The following DPY19L4 variants were observed in gnomAD, a reference collection of about 807,000 sequenced individuals.
DPY19L4 encodes the protein probable C-mannosyltransferase DPY19L4.
A neutral mutation model predicts 102.8 loss-of-function variants in DPY19L4; 97 were observed. That is an observed-to-expected ratio of 0.94 (90% CI 0.80 to 1.12). DPY19L4 has a LOEUF of 1.12. Among genes scored for constraint, DPY19L4 ranks in the 50% most tolerant of loss-of-function variants. The pLI, the probability that DPY19L4 is intolerant of heterozygous loss-of-function variation, is 0.00. For missense variants in DPY19L4, 815 were observed against 850.4 expected (o/e 0.96, Z 0.52); for synonymous variants, 252 against 283.1 (o/e 0.89, Z 1.10).
chr8:94,777,760 T>C lies in DPY19L4; in HGVS notation c.1549T>C (p.Leu517=), dbSNP rs1813252208. ...GATGACACTTTTCAAGTGGCTTCGA[T>C]TAAGAACTGTACACCCAATATTGTT... The part of the protein sequence containing the change: ...LWMTLFKWLR[L]RTVHPILLAL... The change falls in exon 14 of 19, where the codon TTA becomes CTA. Residue 517 remains leucine, a synonymous_variant. Coordinates refer to ENST00000414645, the MANE Select transcript of DPY19L4 (RefSeq NM_181787.3). The C allele has an allele frequency of 6.2e-7, 1 of 1,614,002 alleles. No individual in the cohort carries two copies. Among genetic ancestry groups the C allele is most frequent in the Non-Finnish European group, 8.5e-7 (1 of 1,179,962 alleles).
intron 14 of DPY19L4, 49 bp downstream of exon 14, chr8:94,777,835 T>G (rs1278783463): frequency 6.4e-7 from 1 of 1,556,096 alleles, no homozygotes; most frequent in Non-Finnish European, 8.7e-7. Context: ...TAAAATCAAA[T>G]GCTAATAAAT....
In DPY19L4 at chr8:94,739,661, T is replaced by C. The variant is rs200475956; in HGVS notation, c.482T>C (p.Val161Ala). The C allele has an allele frequency of 1.2e-6, 2 of 1,614,116 alleles. No individual in the cohort carries two copies. The highest frequency in any genetic ancestry group is 1.7e-6 in the Non-Finnish European group (2 of 1,179,992). The change falls in exon 6 of 19, where the codon GTG becomes GCG. Residue 161 changes from valine (V) to alanine (A), a missense_variant. Physicochemically the swap from Val to Ala is moderately conservative, Grantham distance 64. Transcript: ENST00000414645. Reference sequence around the variant, plus strand: ...TCCACATAGGAGATTATTGAGCCAGTGTATTTCTATATTGGCATTGTTTTT... The same window carrying C: ...TCCACATAGGAGATTATTGAGCCAGCGTATTTCTATATTGGCATTGTTTTT... ...ATGSNEIIEP[V>A]YFYIGIVFGL...
chr8:94,755,916 A>C, intron 6 of DPY19L4, 120 bp from the exon 7 acceptor site: 1 of 1,062,544 alleles, frequency 9.4e-7, no homozygotes, highest in South Asian at 1.8e-5. Flanking sequence ...GGATCTGGCT[A>C]TGCCTACCTC....
chr8:94,731,788 G>T (rs1021212122), intron 2 of DPY19L4, among the ~76,000 whole-genome samples: 3 of 152,146 alleles, frequency 2.0e-5, no homozygotes, highest in African/African-American at 7.2e-5. Context: ...GTCTCGCTCT[G>T]TTGCCCAGGC....
intron 3 of DPY19L4, among the ~76,000 whole-genome samples, chr8:94,737,700 G>A (rs1053756975): frequency 2.0e-5 from 3 of 151,536 alleles, no homozygotes; most frequent in African/African-American, 4.8e-5. Flanking sequence ...GGTGAATGGC[G>A]TGAACCCAAG....
chr8:94,773,350 T>C (rs1475008249), intron 13 of DPY19L4, among the ~76,000 whole-genome samples: 1 of 152,206 alleles, frequency 6.6e-6, no homozygotes, highest in African/African-American at 2.4e-5. Flanking sequence ...CTTTAGAAGT[T>C]TGGAGCTTTA....
intron 6 of DPY19L4, among the ~76,000 whole-genome samples, chr8:94,742,863 C>G (rs896788883): frequency 6.6e-6 from 1 of 150,812 alleles, no homozygotes; most frequent in Admixed American, 6.6e-5. Flanking sequence ...CGGCCAATGC[C>G]TGGCTGATTT....
Position 94,739,674 on chromosome 8 carries a change from T to C in DPY19L4, c.495T>C (p.Ile165=). Residue 165 remains isoleucine (I), a synonymous_variant, in exon 6 of 19, where the codon ATT becomes ATC. Coordinates refer to ENST00000414645, the MANE Select transcript of DPY19L4 (RefSeq NM_181787.3). ...NEIIEPVYFY[I]GIVFGLQGIY... Reference sequence around the variant, plus strand: ...TTATTGAGCCAGTGTATTTCTATATTGGCATTGTTTTTGGATTGCAAGGAA... The same window carrying C: ...TTATTGAGCCAGTGTATTTCTATATCGGCATTGTTTTTGGATTGCAAGGAA... 1.2e-6 allele frequency: 2 copies of C among 1,614,188 alleles called. No homozygotes were observed.
In DPY19L4 at chr8:94,765,288, G is replaced by C. The variant is rs200350534; in HGVS notation, c.976G>C (p.Ala326Pro). The change falls in exon 9 of 19, where the codon GCC becomes CCC. Residue 326 changes from alanine to proline, a missense_variant. Transcript: ENST00000414645. ...ATCTCCTTTATTAAGTTTAGTAGCAGCCTTAATGCTTGCTAAGTGCCTTCA... is the reference window on the plus strand; with the variant it reads ...ATCTCCTTTATTAAGTTTAGTAGCACCCTTAATGCTTGCTAAGTGCCTTCA... ...LVSPLLSLVA[A>P]LMLAKCLQLN... 5.8e-5 allele frequency: 93 copies of C among 1,605,500 alleles called. No individual in the cohort carries two copies. Among genetic ancestry groups the C allele is most frequent in the Non-Finnish European group, 1.6e-5 (19 of 1,178,056 alleles).
At chr8:94,752,749 C>T (rs999731949) in intron 6 of DPY19L4, among the ~76,000 whole-genome samples, 3 of 150,654 alleles carry the variant, frequency 2.0e-5, no homozygotes, top group African/African-American at 7.3e-5. Context: ...ACTGCAAGCT[C>T]CGCCACCCCG....
chr8:94,755,906 G>A (rs1433205503), intron 6 of DPY19L4, 130 bp from the exon 7 acceptor site: 33 of 930,556 alleles, frequency 3.5e-5, no homozygotes, highest in Non-Finnish European at 4.9e-5. Context: ...GGACAATGGT[G>A]GATCTGGCTA....
intron 18 of DPY19L4, 81 bp from the exon 19 acceptor site, chr8:94,789,665 A>G: frequency 1.6e-6 from 2 of 1,235,354 alleles, no homozygotes; most frequent in Non-Finnish European, 2.2e-6. Flanking sequence ...TTTCATATAA[A>G]TATACTCATT....
At chr8:94,768,905 C>T (rs1021058208) in intron 12 of DPY19L4, among the ~76,000 whole-genome samples, 7 of 150,904 alleles carry the variant, frequency 4.6e-5, no homozygotes, top group African/African-American at 1.5e-4. Context: ...CCCAGCTACT[C>T]GGGAAGCTGA....
At chr8:94,771,353 TA>T (rs1462552263) in intron 13 of DPY19L4, among the ~76,000 whole-genome samples, 3 of 152,254 alleles carry the variant, frequency 2.0e-5, no homozygotes, top group African/African-American at 7.2e-5. Flanking sequence ...AACTGACATT[TA>T]CTTATTCATT....
intron 6 of DPY19L4, among the ~76,000 whole-genome samples, chr8:94,740,367 TG>T: frequency 6.6e-6 from 1 of 152,340 alleles, no homozygotes; most frequent in East Asian, 1.9e-4. Context: ...TGAATGTGTG[TG>T]TGTATGCATC....
At chr8:94,761,007 A>G (rs1340195561) in intron 7 of DPY19L4, among the ~76,000 whole-genome samples, 2 of 152,222 alleles carry the variant, frequency 1.3e-5, no homozygotes, top group South Asian at 2.1e-4. Context: ...TGAAAAAAGC[A>G]AAGACATGGG....
intron 1 of DPY19L4, among the ~76,000 whole-genome samples, chr8:94,724,142 T>C (rs1810589228): frequency 6.6e-6 from 1 of 152,200 alleles, no homozygotes; most frequent in South Asian, 2.1e-4. Flanking sequence ...TATCACTAAG[T>C]GTGTATTTTT....
chr8:94,749,572 C>T (rs1468622599), intron 6 of DPY19L4, among the ~76,000 whole-genome samples: 2 of 152,024 alleles, frequency 1.3e-5, no homozygotes, highest in East Asian at 1.9e-4. Flanking sequence ...TTAAAACTTT[C>T]CTAAATAGGG....
At chr8:94,744,723 C>G (rs1452571315) in intron 6 of DPY19L4, 2 of 358,050 alleles carry the variant, frequency 5.6e-6, no homozygotes, top group South Asian at 4.3e-5. Flanking sequence ...GAATAAGACT[C>G]TCTTTAGAGA....
Sources: allele counts gnomAD v4.1 joint callset (sites outside exome capture counted in the v4.1 genomes callset), GRCh38; gene constraint gnomAD v4.1.1; transcripts MANE v1.5; gene names NCBI Gene and HGNC (gene_info 2026-07-23, HGNC 2026-07-21).